SLC12A4: variants seen among roughly 807,000 people sequenced by gnomAD.
SLC12A4 encodes solute carrier family 12 member 4.
SLC12A4 carries 84 observed loss-of-function variants against 119.2 expected under a neutral mutation model. That is an observed-to-expected ratio of 0.70 (90% CI 0.59 to 0.85). The LOEUF is 0.85. SLC12A4 is among the 40% of genes least tolerant of loss of function. SLC12A4 has a pLI of 0.00. For missense variants in SLC12A4, 1,298 were observed against 1,476.3 expected (o/e 0.88, Z 1.98); for synonymous variants, 599 against 604.6 (o/e 0.99, Z 0.14).
intron 5 of SLC12A4, among the ~76,000 whole-genome samples, chr16:67,956,028 T>G (rs1286966070): frequency 2.0e-5 from 3 of 151,430 alleles, no homozygotes; most frequent in Non-Finnish European, 2.9e-5. Context: ...AATACAAAAA[T>G]TAGCTGAGCA....
At chr16:67,947,864 G>T (rs1031192658) in intron 14 of SLC12A4, 76 bp from the exon 15 acceptor site, 3 of 1,526,210 alleles carry the variant, frequency 2.0e-6, no homozygotes, top group African/African-American at 2.8e-5. Flanking sequence ...TGCCCTGGTA[G>T]CCCTGTCAGG....
rs200784647 is a variant in SLC12A4 at position 67,951,025 on chromosome 16, G to A, written c.1333C>T (p.Arg445Cys). The A allele has an allele frequency of 1.5e-4, 245 of 1,613,832 alleles. No individual in the cohort carries two copies. The highest frequency in any genetic ancestry group is 1.9e-4 in the Non-Finnish European group (226 of 1,180,024). Residue 445 changes from arginine to cysteine, a missense_variant, in exon 10 of 24, where the codon CGT becomes TGT. Transcript: ENST00000316341. The surrounding 1 kb of genome is among the most constrained non-coding windows in gnomAD (Gnocchi z 5.2). ...MAGSNRSGDL[R>C]DAQKSIPVGT... Reference sequence around the variant, plus strand: ...ACAGGGATAGACTTCTGGGCGTCACGAAGGTCCCCAGAGCGGTTTGAGCCA... The same window carrying A: ...ACAGGGATAGACTTCTGGGCGTCACAAAGGTCCCCAGAGCGGTTTGAGCCA...
chr16:67,951,843 G>GC lies in SLC12A4; in HGVS notation c.1111dup (p.Ala371GlyfsTer19). On this transcript the variant is annotated frameshift_variant, in exon 8 of 24. Transcript: ENST00000316341. LOFTEE classifies it high-confidence loss of function. This position sits in a 1 kb window ranked among gnomAD's most constrained non-coding sequence, Gnocchi z 5.2. ...CCCACCCTGGAGCACACCAGCAGCT[G>GC]CCCCGGGGATGCCAGGGATCTCGGT... 3 of 1,613,138 alleles carry GC rather than the reference G, an allele frequency of 1.9e-6. No individual in the cohort carries two copies. The highest frequency in any genetic ancestry group is 2.5e-6 in the Non-Finnish European group (3 of 1,179,764).
chr16:67,947,839 C>A, intron 14 of SLC12A4, 51 bp from the exon 15 acceptor site: 1 of 1,545,412 alleles, frequency 6.5e-7, no homozygotes, highest in Non-Finnish European at 8.7e-7. Flanking sequence ...GGACCCCTGG[C>A]CACAGCCTGG....
rs751266611 is a variant in SLC12A4, at chr16:67,945,534, C to T, written c.2867G>A (p.Arg956Gln). The change falls in exon 22 of 24, where the codon CGG (arginine) becomes CAG (glutamine). Residue 956 changes from arginine to glutamine, a missense_variant. Coordinates refer to ENST00000316341, the MANE Select transcript of SLC12A4 (RefSeq NM_005072.5). ...REREAQLVKD[R>Q]HSALRLESLY... ...GCTCTCCAGCCGCAGGGCCGAGTGC[C>T]GATCCTTGACCAGCTGGGCCTGAGG... 8.7e-6 allele frequency: 14 copies of T among 1,613,620 alleles called. No individual in the cohort carries two copies. In the African/African-American group the frequency reaches 9.3e-5, roughly 11 times the overall value.
rs566432577 is a variant in SLC12A4 at position 67,949,592 on chromosome 16, G to A, written c.1748+208C>T. 2.4e-5 allele frequency: 12 copies of A among 499,540 alleles called. No homozygotes were observed. In the East Asian group the frequency reaches 3.8e-4, roughly 16 times the overall value. The allele number at this position is 499,540 out of a possible 1,614,324, so 30.9% of individuals were successfully genotyped here. Reference sequence around the variant, plus strand: ...CCTGCTCTGGGGGCCTCAGGGAGGTGTGGACATATTGGTCACCTTATAGCT... The same window carrying A: ...CCTGCTCTGGGGGCCTCAGGGAGGTATGGACATATTGGTCACCTTATAGCT... On this transcript the variant is annotated intron_variant, in intron 13 of 23. Transcript: ENST00000316341. This position sits in a 1 kb window ranked among gnomAD's most constrained non-coding sequence, Gnocchi z 4.6.
chr16:67,952,059 G>A, intron 7 of SLC12A4, 22 bp from the exon 8 acceptor site: 1 of 1,611,304 alleles, frequency 6.2e-7, no homozygotes, highest in Non-Finnish European at 8.5e-7. Context: ...AGAAGCACCG[G>A]CACCTGCTCA....
Position 67,946,563 on chromosome 16 carries a change from C to T in SLC12A4, c.2312G>A (p.Arg771Gln), listed in dbSNP as rs561625189. ...FCQVVVASKVREGLAHLIQSC... is the reference protein window; with the variant it reads ...FCQVVVASKVQEGLAHLIQSC... The stretch of plus-strand genomic sequence containing the variant: ...CTGGATGAGGTGGGCCAGCCCCTCC[C>T]GCACCTTGCTGGCCACCACCACCTG... The change falls in exon 18 of 24, where the codon CGG (arginine) becomes CAG (glutamine). Residue 771 changes from arginine to glutamine, a missense_variant. Arg to Gln is a conservative substitution (Grantham distance 43). Transcript: ENST00000316341. 7.1e-5 allele frequency: 115 copies of T among 1,612,706 alleles called. 1 individual carries two copies. The South Asian group carries it at 9.9e-4, about 14-fold the overall frequency.
chr16:67,965,661 T>G (rs1445269028), intron 1 of SLC12A4, among the ~76,000 whole-genome samples: 2 of 152,170 alleles, frequency 1.3e-5, no homozygotes, highest in Admixed American at 6.6e-5. Flanking sequence ...TGTATTGCTA[T>G]CCAGAAAATA....
Position 67,946,354 on chromosome 16 carries a change from G to A in SLC12A4, c.2438-14C>T, listed in dbSNP as rs2058348937. 1.2e-6 allele frequency: 2 copies of A among 1,606,186 alleles called. No individual in the cohort carries two copies. The highest frequency in any genetic ancestry group is 1.7e-6 in the Non-Finnish European group (2 of 1,179,864). ...AGCGCACGGTGTCTGGGGAGGAGGA[G>A]CACGGCTGACCACCAGTCTGTGGCC... On this transcript the variant is annotated splice_polypyrimidine_tract_variant and intron_variant, in intron 18 of 23. Transcript: ENST00000316341.
chr16:67,957,023 T>C (rs1598223717), intron 5 of SLC12A4, among the ~76,000 whole-genome samples: 1 of 152,054 alleles, frequency 6.6e-6, no homozygotes, highest in South Asian at 2.1e-4. Flanking sequence ...ATTTTGGAGA[T>C]GGAGTCTTGC....
intron 6 of SLC12A4, among the ~76,000 whole-genome samples, chr16:67,953,257 T>C (rs2030044331): frequency 1.5e-5 from 2 of 137,056 alleles, no homozygotes; most frequent in African/African-American, 2.7e-5. Flanking sequence ...CGTGGTGGCA[T>C]GAGCCTGTAA....
At chr16:67,963,855 A>G (rs1209270463) in intron 1 of SLC12A4, 2 of 1,525,754 alleles carry the variant, frequency 1.3e-6, no homozygotes, top group African/African-American at 2.8e-5. Flanking sequence ...GGGCCTGCAG[A>G]GGGGCGGGGC....
chr16:67,947,377 C>T lies in SLC12A4; in HGVS notation c.2026G>A (p.Ala676Thr), dbSNP rs141252496. ...RGLSLSAARY[A>T]LLRLEEGPPH... The stretch of plus-strand genomic sequence containing the variant: ...GGCCCCTCCTCCAGCCGCAACAGCG[C>T]GTAGCGGGCAGCGCTCAGGGACAGG... The change falls in exon 16 of 24, where the codon GCG (alanine) becomes ACG (threonine). Residue 676 changes from alanine to threonine, a missense_variant. Physicochemically the swap from Ala to Thr is moderately conservative, Grantham distance 58. Coordinates refer to ENST00000316341, the MANE Select transcript of SLC12A4 (RefSeq NM_005072.5). 8 of 1,612,766 alleles carry T rather than the reference C, an allele frequency of 5.0e-6. No individual in the cohort carries two copies. Among genetic ancestry groups the T allele is most frequent in the Admixed American group, 1.7e-5 (1 of 59,988 alleles).
In SLC12A4 at chr16:67,961,678, G is replaced by A; in HGVS notation, c.239C>T (p.Ser80Leu). Residue 80 changes from serine to leucine, a missense_variant, in exon 3 of 24, where the codon TCG (serine) becomes TTG (leucine). By Grantham distance (145) the Ser-to-Leu change is moderately radical. Coordinates refer to ENST00000316341, the MANE Select transcript of SLC12A4 (RefSeq NM_005072.5). ...EEELDIRPKV[S>L]SLLGKLVSYT... ...GCTGACGAGCTTTCCCAGAAGAGAC[G>A]ATACCTTTGGGCGGATGTCCAGCTC... 10 of 1,614,164 alleles carry A rather than the reference G, an allele frequency of 6.2e-6. No homozygotes were observed. The highest frequency in any genetic ancestry group is 8.5e-6 in the Non-Finnish European group (10 of 1,180,010).
At position 67,950,838 on chromosome 16, in the gene SLC12A4, G is replaced by C; in HGVS notation, c.1396+124C>G. 7.0e-7 allele frequency: 1 copy of C among 1,425,838 alleles called. No individual in the cohort carries two copies. The highest frequency in any genetic ancestry group is 9.7e-7 in the Non-Finnish European group (1 of 1,027,258). 88.3% of individuals were successfully genotyped at this position (1,425,838 alleles called of 1,614,324 possible). On this transcript the variant is annotated intron_variant, in intron 10 of 23. Coordinates refer to ENST00000316341, the MANE Select transcript of SLC12A4 (RefSeq NM_005072.5). This position sits in a 1 kb window ranked among gnomAD's most constrained non-coding sequence, Gnocchi z 4.3. ...GGAGTCTCGTGGTGTGTATGTGCAT[G>C]TGTGCATGAGAAGGGGAGCTATATA...
In SLC12A4 at chr16:67,957,608, G is replaced by A. The variant is rs1213988667; in HGVS notation, c.544+134C>T. ...GCAGGAAAGCTCCTACGTGGGCACT[G>A]TCCTGGCATCAGGGATTGGGAGCCC... is the stretch of plus-strand genomic sequence containing the variant. On this transcript the variant is annotated intron_variant, in intron 5 of 23. Transcript: ENST00000316341. 3.1e-6 allele frequency: 3 copies of A among 965,494 alleles called. No individual in the cohort carries two copies. The East Asian group carries it at 7.5e-5, about 24-fold the overall frequency. 59.8% of individuals were successfully genotyped at this position (965,494 alleles called of 1,614,324 possible).
chr16:67,958,688 C>T (rs921518322), intron 3 of SLC12A4, among the ~76,000 whole-genome samples: 1 of 152,078 alleles, frequency 6.6e-6, no homozygotes, highest in East Asian at 1.9e-4. Context: ...TTGGCTTGGG[C>T]CACCAGATGT....
rs911022500 is a variant in SLC12A4 at position 67,950,558 on chromosome 16, A to G, written c.1455-65T>C. On this transcript the variant is annotated intron_variant, in intron 11 of 23. Transcript: ENST00000316341. This position sits in a 1 kb window ranked among gnomAD's most constrained non-coding sequence, Gnocchi z 4.3. The stretch of plus-strand genomic sequence containing the variant: ...AAGGATGGCACAGACCACCAAAGGC[A>G]GCCAGCAGGCTTAGGACCACCCACG... 6.2e-7 allele frequency: 1 copy of G among 1,610,038 alleles called. No homozygotes were observed. The highest frequency in any genetic ancestry group is 8.5e-7 in the Non-Finnish European group (1 of 1,177,428).
Sources: allele counts gnomAD v4.1 joint callset (sites outside exome capture counted in the v4.1 genomes callset), GRCh38; gene constraint gnomAD v4.1.1; non-coding constraint Gnocchi (gnomAD v3.1); transcripts MANE v1.5; gene names NCBI Gene and HGNC (gene_info 2026-07-23, HGNC 2026-07-21).